The following SAMD5 variants were observed in gnomAD, a reference collection of about 807,000 sequenced individuals.
SAMD5 encodes the protein sterile alpha motif domain containing 5, also known as sterile alpha motif domain-containing protein 5.
In SAMD5, 13 loss-of-function variants were observed where a neutral mutation model predicts 11.3. The ratio of observed to expected loss-of-function variants is 1.15; its 90% CI spans 0.75 to 1.83. The LOEUF is 1.83. SAMD5 is among the 40% of genes most tolerant of loss of function. The pLI is 0.00. For synonymous variants in SAMD5, 129 were observed against 111.3 expected (o/e 1.16, Z -1.00); for missense variants, 255 against 239.1 (o/e 1.07, Z -0.44).
rs534110894 is a variant in SAMD5, at chr6:147,711,763, G to A, written c.163-25554G>A. ...AAACCGGGAAATATGTTTGTGTTGT[G>A]AGTTCCTTACATCATGGAGTGTCAT... On this transcript the variant is annotated intron_variant, in intron 1 of 1. Coordinates refer to the SAMD5 transcript ENST00000566741. The surrounding 1 kb of genome is among the most constrained non-coding windows in gnomAD (Gnocchi z 4.1). Among the ~76,000 whole-genome samples, 1 of 152,308 alleles carries A rather than the reference G, an allele frequency of 6.6e-6. No homozygotes were observed. Among genetic ancestry groups the A allele is most frequent in the East Asian group, 1.9e-4 (1 of 5,186 alleles).
the SAMD5 span, among the ~76,000 whole-genome samples, chr6:147,878,624 T>C: frequency 2.7e-5 from 4 of 147,882 alleles, no homozygotes; most frequent in Non-Finnish European, 5.9e-5. Flanking sequence ...TATATATGTA[T>C]ATATATCTAT....
chr6:147,657,577 A>G (rs1418578495), intron 1 of SAMD5, among the ~76,000 whole-genome samples: 1 of 152,200 alleles, frequency 6.6e-6, no homozygotes, highest in African/African-American at 2.4e-5. Flanking sequence ...TGAGGCTGCT[A>G]TAACAAAATA....
At chr6:147,826,792 T>G in the SAMD5 span, among the ~76,000 whole-genome samples, 7 of 152,174 alleles carry the variant, frequency 4.6e-5, no homozygotes, top group Admixed American at 4.6e-4. Flanking sequence ...TGTGGTGTTA[T>G]TATGGTCCTA....
At chr6:147,775,472 C>T in the SAMD5 span, among the ~76,000 whole-genome samples, 3 of 152,254 alleles carry the variant, frequency 2.0e-5, no homozygotes, top group African/African-American at 2.4e-5. Flanking sequence ...TTAGTACTCA[C>T]ACATCACTAT....
chr6:147,516,971 T>C (rs1041045654), intron 1 of SAMD5, among the ~76,000 whole-genome samples: 1 of 152,222 alleles, frequency 6.6e-6, no homozygotes, highest in Admixed American at 6.5e-5. Flanking sequence ...AAAAGCCATA[T>C]GCAACAACTT....
At chr6:147,615,657 T>C (rs905182154) in intron 1 of SAMD5, among the ~76,000 whole-genome samples, 1 of 152,224 alleles carries the variant, frequency 6.6e-6, no homozygotes, top group African/African-American at 2.4e-5. Context: ...CTGAAGAATT[T>C]GCCATGCAAG....
At chr6:147,918,599 A>G in the SAMD5 span, among the ~76,000 whole-genome samples, 1,823 of 151,512 alleles carry the variant, frequency 0.012, 40 homozygotes, top group African/African-American at 0.041. Flanking sequence ...AGAAAACCCC[A>G]TTGTTTCAGC....
At chr6:147,797,254 T>C in the SAMD5 span, among the ~76,000 whole-genome samples, 1 of 145,552 alleles carries the variant, frequency 6.9e-6, no homozygotes, top group Non-Finnish European at 1.5e-5. Context: ...CAATACCTAA[T>C]TTATTGAGAC....
the SAMD5 span, among the ~76,000 whole-genome samples, chr6:147,760,228 G>A: frequency 7.9e-5 from 12 of 152,124 alleles, no homozygotes; most frequent in Non-Finnish European, 1.2e-4. Flanking sequence ...TCATTTAAAT[G>A]ACAGGTCTCC....
chr6:147,858,932 G>GA, the SAMD5 span, among the ~76,000 whole-genome samples: 585 of 152,160 alleles, frequency 3.8e-3, 4 homozygotes, highest in African/African-American at 0.013. Flanking sequence ...ATTCTGGATG[G>GA]AAAAAAGACA....
chr6:147,551,507 C>A (rs960933354), intron 1 of SAMD5, among the ~76,000 whole-genome samples: 1 of 152,044 alleles, frequency 6.6e-6, no homozygotes, highest in Non-Finnish European at 1.5e-5. Flanking sequence ...TGATTTTTAA[C>A]TAAGCCTTTT....
chr6:147,796,616 A>T, the SAMD5 span, among the ~76,000 whole-genome samples: 99 of 152,212 alleles, frequency 6.5e-4, no homozygotes, highest in Non-Finnish European at 1.1e-3. Flanking sequence ...AGTCATTGGT[A>T]GCTTGATGGG....
the SAMD5 span, among the ~76,000 whole-genome samples, chr6:147,830,251 C>CTTTTTTTTTTTTTTTTTTTTT: frequency 2.0e-4 from 17 of 84,932 alleles, no homozygotes; most frequent in Non-Finnish European, 2.7e-4. Context: ...TTCTTTCTTT[C>CTTTTTTTTTTTTTTTTTTTTT]TTTTTTTTTT....
rs116119983 is a variant in SAMD5 at position 147,728,440 on chromosome 6, C to A, written c.163-8877C>A. On this transcript the variant is annotated intron_variant, in intron 1 of 1. Coordinates refer to the SAMD5 transcript ENST00000566741. ...CTCAAAGAAGAAACAAACAAACAAA[C>A]AAACCAGTTATCATTTGTCTCCTGA... Among the ~76,000 whole-genome samples, 1,446 of 152,220 alleles carry A rather than the reference C, an allele frequency of 9.5e-3. 17 individuals are homozygous for A. The highest frequency in any genetic ancestry group is 0.034 in the African/African-American group (1,399 of 41,542).
chr6:147,808,018 T>C, the SAMD5 span, among the ~76,000 whole-genome samples: 9 of 152,316 alleles, frequency 5.9e-5, no homozygotes, highest in African/African-American at 1.9e-4. Flanking sequence ...CTCAGCCATC[T>C]TGAATGTTTT....
chr6:147,682,524 C>A (rs551951659), intron 1 of SAMD5, among the ~76,000 whole-genome samples: 1 of 152,218 alleles, frequency 6.6e-6, no homozygotes, highest in African/African-American at 2.4e-5. Context: ...GCCATACTTG[C>A]CTAAATTTAG....
chr6:147,559,052 G>A (rs1462617132), intron 1 of SAMD5, among the ~76,000 whole-genome samples: 1 of 152,128 alleles, frequency 6.6e-6, no homozygotes, highest in African/African-American at 2.4e-5. Flanking sequence ...TTAAATAATG[G>A]TTGAAAGTAC....
At chr6:147,816,417 G>A in the SAMD5 span, among the ~76,000 whole-genome samples, 3 of 144,460 alleles carry the variant, frequency 2.1e-5, no homozygotes, top group Admixed American at 7.0e-5. Flanking sequence ...TCAGAGTATT[G>A]GTTAAATATA....
At chr6:147,573,508 GGGAATTATA>G (rs1789169122), downstream of SAMD5, among the ~76,000 whole-genome samples, 1 of 152,162 alleles carries the variant, frequency 6.6e-6, no homozygotes, top group Admixed American at 6.5e-5. Context: ...CTTGACACAT[GGGAATTATA>G]GGGATTACAA....
Sources: allele counts gnomAD v4.1 joint callset (sites outside exome capture counted in the v4.1 genomes callset), GRCh38; gene constraint gnomAD v4.1.1; non-coding constraint Gnocchi (gnomAD v3.1); transcripts MANE v1.5; gene names NCBI Gene and HGNC (gene_info 2026-07-23, HGNC 2026-07-21).